ZMIZ1: variants seen among roughly 807,000 people sequenced by gnomAD.
ZMIZ1 encodes the protein zinc finger MIZ-type containing 1.
A neutral mutation model predicts 113.9 loss-of-function variants in ZMIZ1; 17 were observed. The observed-to-expected ratio is 0.15, with a 90% CI of 0.10 to 0.22. The LOEUF is 0.22. Among genes scored for constraint, ZMIZ1 ranks in the 10% least tolerant of loss-of-function variants. The probability of loss-of-function intolerance (pLI) is 1.00; values close to 1 mark genes in which losing one functional copy is unlikely to be tolerated. For missense variants in ZMIZ1, 1,059 were observed against 1,477.8 expected, an observed-to-expected ratio of 0.72 and a Z score of 4.65; for synonymous variants, 607 against 603.1, an observed-to-expected ratio of 1.01 and a Z score of -0.09.
intron 7 of ZMIZ1, among the ~76,000 whole-genome samples, chr10:79,218,881 G>C (rs528979060): frequency 1.3e-5 from 2 of 152,278 alleles, no homozygotes; most frequent in East Asian, 3.9e-4. Flanking sequence ...CCAGAGGCAG[G>C]GGGTACATGG....
intron 7 of ZMIZ1, among the ~76,000 whole-genome samples, chr10:79,251,177 C>A (rs1850535009): frequency 6.6e-6 from 1 of 151,938 alleles, no homozygotes; most frequent in Non-Finnish European, 1.5e-5. Flanking sequence ...ACAAAGGTGC[C>A]CTCCCAAGCT....
Position 79,293,387 on chromosome 10 carries a change from C to T in ZMIZ1, c.964C>T (p.Pro322Ser). 1 of 1,514,132 alleles carries T rather than the reference C, an allele frequency of 6.6e-7. No homozygotes were observed. Among genetic ancestry groups the T allele is most frequent in the Non-Finnish European group, 8.8e-7 (1 of 1,132,062 alleles). The allele number at this position is 1,514,132 out of a possible 1,614,324, so 93.8% of individuals were successfully genotyped here. A position where few individuals can be genotyped will look rare whatever the true frequency, so the allele number is the denominator to read the frequency against. The change falls in exon 12 of 25, where the codon CCC (proline) becomes TCC (serine). Residue 322 changes from proline (P) to serine (S), a missense_variant. Physicochemically the swap from Pro to Ser is moderately conservative, Grantham distance 74. This residue lies in a region of ZMIZ1 where 83 missense variants were observed against 103.7 expected (regional missense o/e 0.80). Transcript: ENST00000334512. ...KDINQYGPMG[P>S]TQAYNSQFMN... ...GGTCTGTTCCTCTTTCCAGATGGGT[C>T]CCACCCAGGCGTATAACAGCCAATT...
At position 79,307,297 on chromosome 10, in the gene ZMIZ1, G is replaced by A. The variant is rs945397778; in HGVS notation, c.2669-108G>A. On this transcript the variant is annotated intron_variant, in intron 22 of 24. Coordinates refer to ENST00000334512, the MANE Select transcript of ZMIZ1 (RefSeq NM_020338.4). ...GGCTGCTGTGACCTACTACAGCCTC[G>A]CAAGAGGAAAAGGACTTGGCTTGTA... 2.7e-5 allele frequency: 32 copies of A among 1,177,184 alleles called. No homozygotes were observed. The African/African-American group carries it at 2.7e-4, about 10-fold the overall frequency. 72.9% of individuals were successfully genotyped at this position (1,177,184 alleles called of 1,614,324 possible).
chr10:79,095,470 C>A (rs1004173760), intron 1 of ZMIZ1, among the ~76,000 whole-genome samples: 12 of 152,222 alleles, frequency 7.9e-5, no homozygotes, highest in African/African-American at 2.9e-4. Context: ...GCAGAGCCAA[C>A]CCCATTCTCC....
At position 79,311,198 on chromosome 10, in the gene ZMIZ1, G is replaced by T. The variant is rs375177291; in HGVS notation, c.3096+14G>T. On this transcript the variant is annotated intron_variant, in intron 24 of 24. Coordinates refer to ENST00000334512, the MANE Select transcript of ZMIZ1 (RefSeq NM_020338.4). The stretch of plus-strand genomic sequence containing the variant: ...CCTTCGCTGGATGTAAGTTGGGGTC[G>T]CCACTCGCCTTGGCCTGGGGCTAGG... 6.5e-7 allele frequency: 1 copy of T among 1,529,062 alleles called. No individual in the cohort carries two copies. The highest frequency in any genetic ancestry group is 8.9e-7 in the Non-Finnish European group (1 of 1,128,916). The allele number at this position is 1,529,062 out of a possible 1,614,324, so 94.7% of individuals were successfully genotyped here. A position where few individuals can be genotyped will look rare whatever the true frequency, so the allele number is the denominator to read the frequency against.
intron 17 of ZMIZ1, 87 bp downstream of exon 17, chr10:79,301,029 T>C: frequency 6.5e-7 from 1 of 1,536,408 alleles, no homozygotes; most frequent in South Asian, 1.2e-5. Flanking sequence ...CCCACTCTGG[T>C]CCTCAGCCTT....
chr10:79,178,068 G>C (rs1846946500), intron 4 of ZMIZ1, among the ~76,000 whole-genome samples: 1 of 152,200 alleles, frequency 6.6e-6, no homozygotes, highest in Non-Finnish European at 1.5e-5. Flanking sequence ...GCTGGCTTGG[G>C]CTGGGTGTGA....
intron 1 of ZMIZ1, among the ~76,000 whole-genome samples, chr10:79,074,002 C>T (rs999972381): frequency 1.3e-5 from 2 of 152,220 alleles, no homozygotes; most frequent in African/African-American, 2.4e-5. Flanking sequence ...TTAACCGCTA[C>T]CAGCTGGCTG....
At chr10:79,100,795 A>C (rs886990787) in intron 1 of ZMIZ1, among the ~76,000 whole-genome samples, 3 of 152,180 alleles carry the variant, frequency 2.0e-5, no homozygotes, top group African/African-American at 7.2e-5. Flanking sequence ...GATGGTGGTC[A>C]TCGGGGGCAC....
intron 1 of ZMIZ1, among the ~76,000 whole-genome samples, chr10:79,086,433 T>C (rs1455652476): frequency 1.3e-5 from 2 of 152,268 alleles, no homozygotes; most frequent in East Asian, 3.8e-4. Flanking sequence ...GATAGTTCAG[T>C]TGGCCAGAAA....
Position 79,297,632 on chromosome 10 carries a change from A to G in ZMIZ1, c.1433A>G (p.Gln478Arg). ...TAATAGCCAGAACAGTTTAATGGAC[A>G]AAATAACACGTTCTCGGGAAGCAGC... ...QYYKPEQFNG[Q>R]NNTFSGSSYS... The change falls in exon 14 of 25, where the codon CAA (glutamine) becomes CGA (arginine). Residue 478 changes from glutamine to arginine, a missense_variant. By Grantham distance (43) the Gln-to-Arg change is conservative. Transcript: ENST00000334512. 2 of 1,614,116 alleles carry G rather than the reference A, an allele frequency of 1.2e-6. No individual in the cohort carries two copies. The highest frequency in any genetic ancestry group is 1.7e-6 in the Non-Finnish European group (2 of 1,179,984).
chr10:79,297,339 A>C (rs1853968073), intron 13 of ZMIZ1, among the ~76,000 whole-genome samples: 1 of 152,238 alleles, frequency 6.6e-6, no homozygotes, highest in South Asian at 2.1e-4. Context: ...TATTATGGCC[A>C]TCTACCAAAC....
At position 79,301,063 on chromosome 10, in the gene ZMIZ1, C is replaced by T. The variant is rs1232040926; in HGVS notation, c.2019+121C>T. 7 of 1,375,884 alleles carry T rather than the reference C, an allele frequency of 5.1e-6. No individual in the cohort carries two copies. In the Admixed American group the frequency reaches 1.3e-4, roughly 25 times the overall value. The allele number at this position is 1,375,884 out of a possible 1,614,324, so 85.2% of individuals were successfully genotyped here. On this transcript the variant is annotated intron_variant, in intron 17 of 24. Coordinates refer to ENST00000334512, the MANE Select transcript of ZMIZ1 (RefSeq NM_020338.4). The stretch of plus-strand genomic sequence containing the variant: ...TTGTCCCTGCGTCACCACCCCCGTG[C>T]CCACAGCCGCCAAAGATACAGCGTC...
At chr10:79,106,523 G>A (rs1843565940) in intron 1 of ZMIZ1, among the ~76,000 whole-genome samples, 1 of 152,206 alleles carries the variant, frequency 6.6e-6, no homozygotes, top group Non-Finnish European at 1.5e-5. Flanking sequence ...TGCCCCCATT[G>A]CATCGCCAGC....
At chr10:79,112,015 G>A (rs768911497) in intron 1 of ZMIZ1, among the ~76,000 whole-genome samples, 8 of 152,234 alleles carry the variant, frequency 5.3e-5, no homozygotes, top group Admixed American at 1.3e-4. Flanking sequence ...AAGGCCCTGG[G>A]GCATGAACAT....
At chr10:79,070,002 T>C (rs556725557) in intron 1 of ZMIZ1, among the ~76,000 whole-genome samples, 7 of 150,638 alleles carry the variant, frequency 4.6e-5, no homozygotes, top group Non-Finnish European at 1.0e-4. Flanking sequence ...GGGGAAGATG[T>C]GCGTGTGTGT....
At chr10:79,070,591 C>T (rs920866713) in intron 1 of ZMIZ1, among the ~76,000 whole-genome samples, 1 of 152,056 alleles carries the variant, frequency 6.6e-6, no homozygotes, top group Non-Finnish European at 1.5e-5. Flanking sequence ...CCCAGCCCTA[C>T]CCCTCTACCT....
At chr10:79,213,868 T>G (rs1219943772) in intron 6 of ZMIZ1, among the ~76,000 whole-genome samples, 1 of 152,158 alleles carries the variant, frequency 6.6e-6, no homozygotes, top group Admixed American at 6.6e-5. Flanking sequence ...ATAATACCTA[T>G]CTCGTGGAGC....
intron 3 of ZMIZ1, among the ~76,000 whole-genome samples, chr10:79,140,401 G>A (rs930355812): frequency 5.3e-5 from 8 of 152,158 alleles, no homozygotes; most frequent in Non-Finnish European, 1.0e-4. Context: ...CTCTGGCCAC[G>A]CCACAGCAGC....
Sources: gnomAD v4.1 joint callset for allele counts (sites outside exome capture counted in the v4.1 genomes callset) on GRCh38, gnomAD v4.1.1 for gene constraint, gnomAD v4.1.1 regional missense constraint, MANE v1.5 for transcripts, NCBI Gene and HGNC (gene_info 2026-07-23, HGNC 2026-07-21) for gene names.